MAML2: variants seen among roughly 807,000 people sequenced by gnomAD.
MAML2 encodes the protein mastermind like transcriptional coactivator 2.
A neutral mutation model predicts 96.1 loss-of-function variants in MAML2; 22 were observed. The observed-to-expected ratio is 0.23, with a 90% CI of 0.16 to 0.33. The LOEUF (loss-of-function observed/expected upper bound fraction) is 0.33, where lower values mean the gene tolerates loss of function less well. Ranked by LOEUF, MAML2 falls within the 10% of genes least tolerant of loss-of-function variation. MAML2 has a pLI of 1.00. For synonymous variants in MAML2, 561 were observed against 521.3 expected (o/e 1.08, Z -1.04); for missense variants, 1,367 against 1,392.4 (o/e 0.98, Z 0.29).
At chr11:96,221,042 T>C (rs1395789166) in intron 1 of MAML2, among the ~76,000 whole-genome samples, 3 of 152,198 alleles carry the variant, frequency 2.0e-5, no homozygotes, top group Non-Finnish European at 2.9e-5. Context: ...TCAACAAGTA[T>C]TTATTGAGCA....
At chr11:96,227,868 A>T (rs953120212) in intron 1 of MAML2, among the ~76,000 whole-genome samples, 2 of 152,186 alleles carry the variant, frequency 1.3e-5, no homozygotes, top group Non-Finnish European at 2.9e-5. Context: ...TTGGGAGGCC[A>T]AGGCAAGCAG....
rs117333921 is a variant in MAML2, at chr11:96,122,126, T to C, written c.514-28609A>G. ...CGCCCGGCCCCTGTCTGCTATGATTTTAACTGGCCTGAGAACTGACCTGTG... is the reference window on the plus strand; with the variant it reads ...CGCCCGGCCCCTGTCTGCTATGATTCTAACTGGCCTGAGAACTGACCTGTG... On this transcript the variant is annotated intron_variant, in intron 1 of 4. Coordinates refer to ENST00000524717, the MANE Select transcript of MAML2 (RefSeq NM_032427.4). Among the ~76,000 whole-genome samples, 845 of 152,014 alleles carry C rather than the reference T, an allele frequency of 5.6e-3. 2 individuals carry two copies. Among genetic ancestry groups the C allele is most frequent in the Middle Eastern group, 0.01 (3 of 294 alleles).
At chr11:96,131,451 C>T (rs1860548282) in intron 1 of MAML2, among the ~76,000 whole-genome samples, 1 of 152,146 alleles carries the variant, frequency 6.6e-6, no homozygotes, top group African/African-American at 2.4e-5. Context: ...AGAACATATA[C>T]TTAACAACAA....
intron 1 of MAML2, among the ~76,000 whole-genome samples, chr11:96,206,054 A>G (rs1319715278): frequency 6.6e-6 from 1 of 151,748 alleles, no homozygotes; most frequent in Non-Finnish European, 1.5e-5. Flanking sequence ...AGCTTTCTTA[A>G]TTTCAGTTTT....
chr11:96,153,110 T>C (rs1313975127), intron 1 of MAML2, among the ~76,000 whole-genome samples: 1 of 152,112 alleles, frequency 6.6e-6, no homozygotes, highest in East Asian at 1.9e-4. Flanking sequence ...TCATAGATGG[T>C]CAAGGTATAA....
intron 2 of MAML2, among the ~76,000 whole-genome samples, chr11:96,060,260 C>T (rs567344707): frequency 1.3e-5 from 2 of 152,188 alleles, no homozygotes; most frequent in Non-Finnish European, 2.9e-5. Flanking sequence ...ACAAAACATG[C>T]AGTTAAGCTT....
chr11:96,153,031 C>T (rs1860948733), intron 1 of MAML2, among the ~76,000 whole-genome samples: 1 of 152,178 alleles, frequency 6.6e-6, no homozygotes, highest in Non-Finnish European at 1.5e-5. Flanking sequence ...CACTGATTCT[C>T]CCAGCAGGAG....
chr11:96,041,167 T>C (rs117101348), intron 2 of MAML2, among the ~76,000 whole-genome samples: 372 of 151,990 alleles, frequency 2.4e-3, no homozygotes, highest in Non-Finnish European at 4.6e-3. Flanking sequence ...GATTTTCAAG[T>C]AGGTTGGTTA....
intron 1 of MAML2, among the ~76,000 whole-genome samples, chr11:96,202,022 A>G (rs1256121650): frequency 6.6e-6 from 1 of 151,062 alleles, no homozygotes; most frequent in African/African-American, 2.4e-5. Flanking sequence ...GATGAAGTAG[A>G]AAAAATCATG....
intron 1 of MAML2, among the ~76,000 whole-genome samples, chr11:96,186,354 C>T (rs1196022859): frequency 6.6e-6 from 1 of 152,174 alleles, no homozygotes; most frequent in Non-Finnish European, 1.5e-5. Flanking sequence ...CTTTGGGAGG[C>T]CACGGTGGGC....
At chr11:96,330,369 C>T (rs1163866816) in intron 1 of MAML2, among the ~76,000 whole-genome samples, 2 of 152,198 alleles carry the variant, frequency 1.3e-5, no homozygotes, top group East Asian at 3.8e-4. Context: ...TTAATCCCCA[C>T]AACCTTTTGA....
intron 2 of MAML2, among the ~76,000 whole-genome samples, chr11:96,002,803 AGAT>A (rs1439964354): frequency 1.8e-5 from 2 of 112,836 alleles, no homozygotes; most frequent in Admixed American, 9.1e-5. Context: ...GGGATGATGA[AGAT>A]GATGATGGGG....
intron 2 of MAML2, among the ~76,000 whole-genome samples, chr11:96,049,034 A>G (rs1031808614): frequency 6.6e-6 from 1 of 152,214 alleles, no homozygotes; most frequent in African/African-American, 2.4e-5. Context: ...TAAACTTTCC[A>G]CTATAATGAA....
At chr11:96,341,242 A>G (rs2136024395) in intron 1 of MAML2, 141 bp downstream of exon 1, 2 of 940,644 alleles carry the variant, frequency 2.1e-6, no homozygotes, top group Non-Finnish European at 3.1e-6. Flanking sequence ...CCACCCGAAC[A>G]CACCCAATGG....
At chr11:96,131,290 T>C (rs992052225) in intron 1 of MAML2, among the ~76,000 whole-genome samples, 1 of 150,058 alleles carries the variant, frequency 6.7e-6, no homozygotes, top group Non-Finnish European at 1.5e-5. Flanking sequence ...TGTGAAAAAA[T>C]CACAGAATTG....
chr11:96,232,262 A>G (rs1048251442), intron 1 of MAML2, among the ~76,000 whole-genome samples: 24 of 152,304 alleles, frequency 1.6e-4, no homozygotes, highest in African/African-American at 5.3e-4. Context: ...GCGTAACACT[A>G]TGCTTTAAAC....
chr11:96,102,208 G>C (rs985973956), intron 1 of MAML2, among the ~76,000 whole-genome samples: 1 of 152,166 alleles, frequency 6.6e-6, no homozygotes, highest in Non-Finnish European at 1.5e-5. Flanking sequence ...CCTGGGAGGC[G>C]GAGCTTGCAG....
intron 4 of MAML2, among the ~76,000 whole-genome samples, chr11:95,980,704 C>T (rs1181388880): frequency 1.3e-5 from 2 of 152,222 alleles, no homozygotes; most frequent in Non-Finnish European, 2.9e-5. Context: ...CTCCATTAAA[C>T]TTTCTTTTAT....
At chr11:96,191,478 TA>T (rs550697309) in intron 1 of MAML2, among the ~76,000 whole-genome samples, 1 of 48,886 alleles carries the variant, frequency 2.0e-5, no homozygotes, top group Non-Finnish European at 4.2e-5. Flanking sequence ...AAAATAACAA[TA>T]ATAAAAAAAA....
Sources: gnomAD v4.1 joint callset for allele counts (sites outside exome capture counted in the v4.1 genomes callset) on GRCh38, gnomAD v4.1.1 for gene constraint, MANE v1.5 for transcripts, NCBI Gene and HGNC (gene_info 2026-07-23, HGNC 2026-07-21) for gene names.